Variants in EMSY observed in about 807,000 individuals in gnomAD.
EMSY encodes the protein EMSY transcriptional repressor, BRCA2 interacting, also known as BRCA2-interacting transcriptional repressor EMSY.
A neutral mutation model predicts 134.6 loss-of-function variants in EMSY; 26 were observed. The observed-to-expected ratio is 0.19, with a 90% confidence interval of 0.14 to 0.27. EMSY has a LOEUF of 0.27. Among genes scored for constraint, EMSY ranks in the 10% least tolerant of loss-of-function variants. The pLI is 1.00. For synonymous variants in EMSY, 579 were observed against 577.8 expected, an observed-to-expected ratio of 1.00 and a Z score of -0.03; for missense variants, 1,305 against 1,611.4, an observed-to-expected ratio of 0.81 and a Z score of 3.26.
chr11:76,537,665 C>A (rs1951274854), intron 15 of EMSY, 130 bp from the exon 17 acceptor site: 6 of 757,670 alleles, frequency 7.9e-6, no homozygotes, highest in Non-Finnish European at 1.2e-5. Flanking sequence ...TTTTTCTTTT[C>A]AATTCACTGT....
chr11:76,551,950 A>C (rs1340607805), downstream of EMSY: 2 of 152,216 alleles, frequency 1.3e-5, no homozygotes. Context: ...TAACAAGAGC[A>C]AACTTGAATA....
intron 8 of EMSY, among the ~76,000 whole-genome samples, chr11:76,494,321 G>A (rs1348742816): frequency 6.6e-6 from 1 of 152,214 alleles, no homozygotes; most frequent in African/African-American, 2.4e-5. Flanking sequence ...CAGAGATCCC[G>A]TGACAATAGT....
At chr11:76,474,869 T>G (rs1198829178) in intron 8 of EMSY, among the ~76,000 whole-genome samples, 1 of 152,142 alleles carries the variant, frequency 6.6e-6, no homozygotes, top group Non-Finnish European at 1.5e-5. Flanking sequence ...GTTCAAGCAA[T>G]TCTCCTGCCC....
intron 7 of EMSY, among the ~76,000 whole-genome samples, chr11:76,466,715 T>C (rs1948367094): frequency 6.6e-6 from 1 of 152,210 alleles, no homozygotes; most frequent in Non-Finnish European, 1.5e-5. Flanking sequence ...TGTAATTCTA[T>C]TTTCAGTCTG....
chr11:76,469,826 A>G (rs551425952), intron 7 of EMSY, among the ~76,000 whole-genome samples: 14 of 152,310 alleles, frequency 9.2e-5, no homozygotes, highest in African/African-American at 3.1e-4. Context: ...TCTTTTTGCC[A>G]TATTGGTCTA....
At chr11:76,526,568 C>T (rs1308901914) in exon 13 of EMSY, 1 of 1,613,752 alleles carries the variant, frequency 6.2e-7, no homozygotes, top group Admixed American at 1.7e-5. Context: ...GGAATAGGTT[C>T]TACAGTTCAA....
chr11:76,528,920 A>G (rs577168288), intron 14 of EMSY, among the ~76,000 whole-genome samples: 1 of 152,266 alleles, frequency 6.6e-6, no homozygotes, highest in African/African-American at 2.4e-5. Flanking sequence ...TATACATTCC[A>G]ATTTGCATGG....
intron 5 of EMSY, chr11:76,459,644 A>AT (rs542605548): frequency 6.5e-4 from 193 of 296,694 alleles, no homozygotes; most frequent in African/African-American, 4.0e-3. Flanking sequence ...AATTATTTTC[A>AT]TTTTTTCTCA....
chr11:76,458,414 A>C (rs752207161), intron 5 of EMSY, 56 bp downstream of exon 6: 1 of 1,460,842 alleles, frequency 6.8e-7, no homozygotes, highest in Non-Finnish European at 9.1e-7. Context: ...TCTTCAAGAA[A>C]ATTTCAAGAA....
At position 76,472,492 on chromosome 11, in the gene EMSY, T is replaced by C; in HGVS notation, c.832-72T>C. 5.2e-6 allele frequency: 7 copies of C among 1,345,922 alleles called. No homozygotes were observed. In the South Asian group the frequency reaches 8.6e-5, roughly 16 times the overall value. The allele number at this position is 1,345,922 out of a possible 1,614,324, so 83.4% of individuals were successfully genotyped here. A position where few individuals can be genotyped will look rare whatever the true frequency, so the allele number is the denominator to read the frequency against. ...TCATAAGCTATTTTTAAATTATATATAACTAACTGTGAGTCTAGATACATT... is the reference window on the plus strand; with the variant it reads ...TCATAAGCTATTTTTAAATTATATACAACTAACTGTGAGTCTAGATACATT... On this transcript the variant is annotated intron_variant, in intron 7 of 20. Transcript: ENST00000334736.
chr11:76,503,172 A>C (rs182222143), intron 9 of EMSY, among the ~76,000 whole-genome samples: 1 of 151,912 alleles, frequency 6.6e-6, no homozygotes, highest in East Asian at 1.9e-4. Flanking sequence ...ATGATGGTAC[A>C]TGGCTGTAAT....
chr11:76,520,709 A>G (rs1213022524), intron 11 of EMSY, among the ~76,000 whole-genome samples: 1 of 152,184 alleles, frequency 6.6e-6, no homozygotes. Context: ...TTTTTGTAGC[A>G]GTGTTGCCAA....
At chr11:76,536,295 A>G (rs1170314214) in intron 15 of EMSY, among the ~76,000 whole-genome samples, 1 of 152,148 alleles carries the variant, frequency 6.6e-6, no homozygotes, top group Non-Finnish European at 1.5e-5. Flanking sequence ...TCTGTAGAAA[A>G]GAGAAAAAAA....
chr11:76,550,353 T>A (rs1205602155), exon 21 of EMSY: 6 of 345,140 alleles, frequency 1.7e-5, no homozygotes, highest in East Asian at 1.3e-4. Context: ...TAAAAAAAAA[T>A]GAAAAAGAAA....
intron 2 of EMSY, among the ~76,000 whole-genome samples, chr11:76,451,430 A>C (rs1035385995): frequency 6.6e-6 from 1 of 152,176 alleles, no homozygotes; most frequent in Non-Finnish European, 1.5e-5. Context: ...ATTACACAGG[A>C]GGGAGGTAGA....
intron 14 of EMSY, 47 bp from the exon 16 acceptor site, chr11:76,535,848 G>A (rs2136532602): frequency 3.2e-6 from 4 of 1,259,968 alleles, no homozygotes; most frequent in Non-Finnish European, 4.2e-6. Context: ...TTTTTTAAGA[G>A]AAACTTTGTT....
At chr11:76,473,296 A>C (rs565143929) in intron 8 of EMSY, among the ~76,000 whole-genome samples, 5 of 150,954 alleles carry the variant, frequency 3.3e-5, no homozygotes, top group African/African-American at 9.7e-5. Context: ...AGTCTCCTAC[A>C]TTTTTCTTTT....
chr11:76,537,824 C>A (rs781189263), exon 16 of EMSY: 1 of 1,607,902 alleles, frequency 6.2e-7, no homozygotes, highest in Non-Finnish European at 8.5e-7. Context: ...TAAACCAAGA[C>A]AACCCACTAT....
chr11:76,518,700 TA>T lies in EMSY; in HGVS notation c.1684+2389del, dbSNP rs1332950727. 3.0e-3 allele frequency among the ~76,000 whole-genome samples: 384 copies of T among 126,358 alleles called. 3 individuals are homozygous for T. The highest frequency in any genetic ancestry group is 0.01 in the African/African-American group (343 of 32,974). 82.9% of individuals were successfully genotyped at this position (126,358 alleles called of 152,430 possible). A position where few individuals can be genotyped will look rare whatever the true frequency, so the allele number is the denominator to read the frequency against. ...GTGTGCGCGCATATATATATATATA[TA>T]TATTTTTTTTTTAATTGGGATCTAA... On this transcript the variant is annotated intron_variant, in intron 11 of 20. Transcript: ENST00000334736.
Sources: allele counts gnomAD v4.1 joint callset (sites outside exome capture counted in the v4.1 genomes callset), GRCh38; gene constraint gnomAD v4.1.1; transcripts MANE v1.5; gene names NCBI Gene and HGNC (gene_info 2026-07-23, HGNC 2026-07-21).